Variants in RSPH14 observed in about 807,000 individuals in gnomAD.
RSPH14 encodes radial spoke head 14 homolog.
In RSPH14, 20 loss-of-function variants were observed where a neutral mutation model predicts 26.7. That is an observed-to-expected ratio of 0.75 (90% CI 0.53 to 1.09). RSPH14 has a LOEUF of 1.09. Among genes scored for constraint, RSPH14 ranks in the 50% least tolerant of loss-of-function variants. RSPH14 has a pLI of 0.00. For synonymous variants in RSPH14, 177 were observed against 189.3 expected (o/e 0.93, Z 0.53); for missense variants, 449 against 457.2 (o/e 0.98, Z 0.16).
rs553715529 is a variant in RSPH14 at position 23,113,233 on chromosome 22, G to A, written c.421+20793C>T. On this transcript the variant is annotated intron_variant, in intron 4 of 6. Coordinates refer to ENST00000216036, the MANE Select transcript of RSPH14 (RefSeq NM_014433.3). ...TCTTTACAACAGCTGGGGCCCCAGC[G>A]CCACCTGGCCCTGTGCCCAGGCAAG... Among the ~76,000 whole-genome samples, 12 of 152,338 alleles carry A rather than the reference G, an allele frequency of 7.9e-5. 1 individual carries two copies. The South Asian group carries it at 2.3e-3, about 29-fold the overall frequency.
intron 4 of RSPH14, among the ~76,000 whole-genome samples, chr22:23,115,731 G>A (rs1416918434): frequency 6.6e-6 from 1 of 152,330 alleles, no homozygotes; most frequent in East Asian, 1.9e-4. Flanking sequence ...TGGGGGCCGG[G>A]GCTCATGTTT....
At chr22:23,128,265 T>G (rs921060618) in intron 4 of RSPH14, among the ~76,000 whole-genome samples, 2 of 152,170 alleles carry the variant, frequency 1.3e-5, no homozygotes, top group African/African-American at 2.4e-5. Flanking sequence ...GGGGTTCTAC[T>G]CCATTCCTGG....
chr22:23,140,160 A>T, intron 2 of RSPH14, 62 bp downstream of exon 2: 4 of 1,597,506 alleles, frequency 2.5e-6, no homozygotes, highest in Non-Finnish European at 3.4e-6. Context: ...CTGAAGTTCT[A>T]CCCAGTGCCT....
chr22:23,065,534 C>CAAAAAAAA lies in RSPH14; in HGVS notation c.422-1409_422-1402dup, dbSNP rs10562943. Among the ~76,000 whole-genome samples the CAAAAAAAA allele has an allele frequency of 1.5e-4, 7 of 45,176 alleles. 2 individuals are homozygous for CAAAAAAAA. The highest frequency in any genetic ancestry group is 6.1e-4 in the African/African-American group (7 of 11,478). The allele number at this position is 45,176 out of a possible 152,430, so 29.6% of individuals were successfully genotyped here. A position where few individuals can be genotyped will look rare whatever the true frequency, so the allele number is the denominator to read the frequency against. Reference sequence around the variant, plus strand: ...TTTTTTATTTAATATGCACAGATTGCAAAAAAAAAAAAAAAAAAAAAAAAA... The same window carrying CAAAAAAAA: ...TTTTTTATTTAATATGCACAGATTGCAAAAAAAAAAAAAAAAAAAAAAAAAAAAAAAAA... On this transcript the variant is annotated intron_variant, in intron 4 of 6. Coordinates refer to ENST00000216036, the MANE Select transcript of RSPH14 (RefSeq NM_014433.3).
At chr22:23,128,605 C>G (rs1166280349) in intron 4 of RSPH14, among the ~76,000 whole-genome samples, 1 of 152,202 alleles carries the variant, frequency 6.6e-6, no homozygotes, top group Non-Finnish European at 1.5e-5. Flanking sequence ...TCCTGGGGTG[C>G]CCCCTCCTGG....
At chr22:23,171,849 A>G in the RSPH14 span, among the ~76,000 whole-genome samples, 1 of 141,002 alleles carries the variant, frequency 7.1e-6, no homozygotes, top group South Asian at 2.3e-4. Flanking sequence ...TCTCAAAAAA[A>G]AAAAACAAAA....
At chr22:23,156,143 A>ACTG in the RSPH14 span, 212,790 of 910,164 alleles carry the variant, frequency 0.23, 27,098 homozygotes, top group East Asian at 0.36. Flanking sequence ...TTTGTCCTCC[A>ACTG]AGACCCACTG....
In RSPH14 at chr22:23,102,597, T is replaced by C. The variant is rs1234117656; in HGVS notation, c.421+31429A>G. 2.0e-5 allele frequency among the ~76,000 whole-genome samples: 3 copies of C among 152,210 alleles called. No homozygotes were observed. The East Asian group carries it at 5.8e-4, about 29-fold the overall frequency. On this transcript the variant is annotated intron_variant, in intron 4 of 6. Transcript: ENST00000216036. ...GGCCCTGGGCTCAAGCCCTGCTGCT[T>C]GGGCTGCCCCCACACCTGCTCTGCC... is the stretch of plus-strand genomic sequence containing the variant.
intron 4 of RSPH14, among the ~76,000 whole-genome samples, chr22:23,117,863 C>G (rs1330130976): frequency 6.6e-6 from 1 of 152,194 alleles, no homozygotes; most frequent in African/African-American, 2.4e-5. Flanking sequence ...GGTGGAGAAT[C>G]AGGAGTGAGA....
intron 4 of RSPH14, among the ~76,000 whole-genome samples, chr22:23,072,124 C>G (rs1025740850): frequency 2.0e-5 from 3 of 152,178 alleles, no homozygotes; most frequent in Non-Finnish European, 4.4e-5. Flanking sequence ...GACTGTGCTT[C>G]CAGGCACTTC....
the RSPH14 span, chr22:23,162,795 C>G: frequency 2.2e-6 from 1 of 455,148 alleles, no homozygotes; most frequent in Non-Finnish European, 4.4e-6. Context: ...TGGCACACTG[C>G]AGCTGCCCTG....
At chr22:23,172,676 A>G in the RSPH14 span, among the ~76,000 whole-genome samples, 2 of 137,106 alleles carry the variant, frequency 1.5e-5, no homozygotes, top group South Asian at 2.4e-4. Flanking sequence ...AAGACTGGGC[A>G]CGGTGGCTCA....
At chr22:23,126,562 T>A (rs2070186582) in intron 4 of RSPH14, among the ~76,000 whole-genome samples, 1 of 152,214 alleles carries the variant, frequency 6.6e-6, no homozygotes, top group Admixed American at 6.5e-5. Flanking sequence ...ATTGAGCAGC[T>A]CAAGGCCAGC....
chr22:23,163,547 G>A, the RSPH14 span: 1 of 150,730 alleles, frequency 6.6e-6, no homozygotes, highest in Non-Finnish European at 1.5e-5. Context: ...GACTTTTAAA[G>A]GGGTTGTATG....
chr22:23,128,152 G>C (rs1189707505), intron 4 of RSPH14, among the ~76,000 whole-genome samples: 2 of 152,216 alleles, frequency 1.3e-5, no homozygotes, highest in Non-Finnish European at 2.9e-5. Context: ...ACTTCCGGGG[G>C]ACCCTGAGCT....
chr22:23,064,673 A>T (rs1411964362), intron 4 of RSPH14, among the ~76,000 whole-genome samples: 1 of 152,048 alleles, frequency 6.6e-6, no homozygotes, highest in Non-Finnish European at 1.5e-5. Context: ...CCAGTGTCAC[A>T]CTCACCAAAA....
chr22:23,160,824 A>G, the RSPH14 span: 12 of 1,582,760 alleles, frequency 7.6e-6, no homozygotes, highest in African/African-American at 8.1e-5. Flanking sequence ...ACCCAGATGC[A>G]TTAAGGGGCA....
intron 4 of RSPH14, chr22:23,124,089 C>G (rs189192887): frequency 4.6e-6 from 1 of 217,706 alleles, no homozygotes; most frequent in East Asian, 1.5e-4. Context: ...TACAACAAAA[C>G]GAGTGGCACG....
chr22:23,113,333 G>A (rs943646155), intron 4 of RSPH14, among the ~76,000 whole-genome samples: 1 of 152,138 alleles, frequency 6.6e-6, no homozygotes, highest in Non-Finnish European at 1.5e-5. Context: ...GGCCAGCACC[G>A]CCTCCCTGTT....
Sources: allele counts gnomAD v4.1 joint callset (sites outside exome capture counted in the v4.1 genomes callset), GRCh38; gene constraint gnomAD v4.1.1; transcripts MANE v1.5; gene names NCBI Gene and HGNC (gene_info 2026-07-23, HGNC 2026-07-21).